TSPAN17: variants seen among roughly 807,000 people sequenced by gnomAD.
The protein encoded by TSPAN17 is tetraspanin 17.
Under a neutral mutation model 40.5 loss-of-function variants are expected in TSPAN17, and 33 were observed. That is an observed-to-expected ratio of 0.81 (90% CI 0.62 to 1.09). The LOEUF (loss-of-function observed/expected upper bound fraction) is 1.09, where lower values mean the gene tolerates loss of function less well. TSPAN17 is among the 50% of genes least tolerant of loss of function. The pLI is 0.00. For missense variants in TSPAN17, 365 were observed against 416.8 expected, an observed-to-expected ratio of 0.88 and a Z score of 1.08; for synonymous variants, 166 against 169.4, an observed-to-expected ratio of 0.98 and a Z score of 0.15.
In TSPAN17 at chr5:176,658,109, G is replaced by A. The variant is rs61580291; in HGVS notation, c.*411G>A. The A allele has an allele frequency of 0.046, 7,383 of 160,924 alleles. 379 individuals carry two copies. Among genetic ancestry groups the A allele is most frequent in the African/African-American group, 0.13 (5,255 of 41,666 alleles). 10.0% of individuals were successfully genotyped at this position (160,924 alleles called of 1,614,324 possible). On this transcript the variant is annotated 3_prime_UTR_variant, in exon 9 of 9. Transcript: ENST00000508164. ...AGTAGCTGGAAGCCATGGGACTGGC[G>A]GGAGCCTGTTTGGGGGATCTGGATG...
intron 4 of TSPAN17, 127 bp downstream of exon 4, chr5:176,653,040 C>A (rs981667192): frequency 1.0e-6 from 1 of 1,003,636 alleles, no homozygotes. Context: ...AGGAGAGAGA[C>A]CCAGGAGTGT....
At chr5:176,648,509 C>G (rs1760836221) in intron 1 of TSPAN17, among the ~76,000 whole-genome samples, 1 of 152,246 alleles carries the variant, frequency 6.6e-6, no homozygotes. Context: ...GCTCCTGAGG[C>G]CTTGGGTCAA....
chr5:176,651,088 C>A lies in TSPAN17; in HGVS notation c.88-528C>A, dbSNP rs949057207. 6.6e-6 allele frequency among the ~76,000 whole-genome samples: 1 copy of A among 151,908 alleles called. No individual in the cohort carries two copies. Among genetic ancestry groups the A allele is most frequent in the South Asian group, 2.1e-4 (1 of 4,822 alleles). ...TTCCTGTCATTCAGGGGTGTCTGGT[C>A]GTGAGCCGTGGAAGCTGACTCTGGC... On this transcript the variant is annotated intron_variant, in intron 1 of 8. Transcript: ENST00000508164. The surrounding 1 kb of genome is among the most constrained non-coding windows in gnomAD (Gnocchi z 4.5).
intron 1 of TSPAN17, among the ~76,000 whole-genome samples, chr5:176,649,422 T>G (rs1760875954): frequency 6.7e-6 from 1 of 149,544 alleles, no homozygotes; most frequent in African/African-American, 2.6e-5. Context: ...GGTTTCCTTT[T>G]TTCTTTTTTC....
In TSPAN17 at chr5:176,647,591, C is replaced by G. The variant is rs1422045367; in HGVS notation, c.-25C>G. The G allele has an allele frequency of 6.4e-7, 1 of 1,562,282 alleles. No homozygotes were observed. Among genetic ancestry groups the G allele is most frequent in the Non-Finnish European group, 8.6e-7 (1 of 1,156,668 alleles). ...TGGGCCTGGCTCCCGGCTCCGGTTT[C>G]CGGGCCGGCGGGTGGCCGCTCACCA... On this transcript the variant is annotated 5_prime_UTR_variant, in exon 1 of 9. Coordinates refer to ENST00000508164, the MANE Select transcript of TSPAN17 (RefSeq NM_130465.5).
Position 176,647,574 on chromosome 5 carries a change from G to T in TSPAN17, c.-42G>T. On this transcript the variant is annotated 5_prime_UTR_variant, in exon 1 of 9. Transcript: ENST00000508164. ...GGCGGCCCGCGGGGCGCTGGGCCTG[G>T]CTCCCGGCTCCGGTTTCCGGGCCGG... 6.5e-7 allele frequency: 1 copy of T among 1,534,172 alleles called. No individual in the cohort carries two copies. The highest frequency in any genetic ancestry group is 8.8e-7 in the Non-Finnish European group (1 of 1,141,202).
rs932193049 is a variant in TSPAN17 at position 176,651,249 on chromosome 5, C to G, written c.88-367C>G. Among the ~76,000 whole-genome samples, 1 of 152,116 alleles carries G rather than the reference C, an allele frequency of 6.6e-6. No homozygotes were observed. Among genetic ancestry groups the G allele is most frequent in the Admixed American group, 6.5e-5 (1 of 15,280 alleles). ...GAAAGGAGGCTAGGAGCCTGGAACCCCAGCACCAGCTTCGGTCAGGTGTAG... is the reference window on the plus strand; with the variant it reads ...GAAAGGAGGCTAGGAGCCTGGAACCGCAGCACCAGCTTCGGTCAGGTGTAG... On this transcript the variant is annotated intron_variant, in intron 1 of 8. Coordinates refer to ENST00000508164, the MANE Select transcript of TSPAN17 (RefSeq NM_130465.5). The surrounding 1 kb of genome is among the most constrained non-coding windows in gnomAD (Gnocchi z 4.5).
chr5:176,654,883 CT>C lies in TSPAN17; in HGVS notation c.457-11del. ...GGCCTGGCTCACCTGGGGCTCTCCC[CT>C]GCCCCCACAGTGGTCTTGCTGCGGA... On this transcript the variant is annotated splice_polypyrimidine_tract_variant and intron_variant, in intron 4 of 8. Transcript: ENST00000508164. The surrounding 1 kb of genome is among the most constrained non-coding windows in gnomAD (Gnocchi z 4.3). 6.2e-7 allele frequency: 1 copy of C among 1,613,328 alleles called. No individual in the cohort carries two copies. The highest frequency in any genetic ancestry group is 8.5e-7 in the Non-Finnish European group (1 of 1,179,654).
intron 5 of TSPAN17, among the ~76,000 whole-genome samples, chr5:176,655,734 C>CAA (rs11420495): frequency 0.01 from 1,317 of 125,802 alleles, 14 homozygotes; most frequent in African/African-American, 0.027. Flanking sequence ...CTCGTGTCTA[C>CAA]AAAAAAAAAA....
rs1760783200 is a variant in TSPAN17 at position 176,647,559 on chromosome 5, G to A, written c.-57G>A. 4 of 1,485,446 alleles carry A rather than the reference G, an allele frequency of 2.7e-6. No individual in the cohort carries two copies. Among genetic ancestry groups the A allele is most frequent in the Admixed American group, 2.1e-5 (1 of 47,370 alleles). The allele number at this position is 1,485,446 out of a possible 1,614,324, so 92.0% of individuals were successfully genotyped here. On this transcript the variant is annotated 5_prime_UTR_variant, in exon 1 of 9. Coordinates refer to ENST00000508164, the MANE Select transcript of TSPAN17 (RefSeq NM_130465.5). ...GCGGCTCTAGCCCAGGGCGGCCCGC[G>A]GGGCGCTGGGCCTGGCTCCCGGCTC...
rs557147817 is a variant in TSPAN17 at position 176,657,998 on chromosome 5, G to A, written c.*300G>A. On this transcript the variant is annotated 3_prime_UTR_variant, in exon 9 of 9. Coordinates refer to ENST00000508164, the MANE Select transcript of TSPAN17 (RefSeq NM_130465.5). ...GAAGAGGGTGCAGCCTGGGAAGGGC[G>A]GCCTTGCTGGGGACTGCGGTGGGAG... 10 of 311,998 alleles carry A rather than the reference G, an allele frequency of 3.2e-5. No individual in the cohort carries two copies. The highest frequency in any genetic ancestry group is 1.6e-4 in the East Asian group (2 of 12,876). 19.3% of individuals were successfully genotyped at this position (311,998 alleles called of 1,614,324 possible).
rs778021749 is a variant in TSPAN17, at chr5:176,657,656, C to A, written c.948C>A (p.Gly316=). The A allele has an allele frequency of 1.9e-6, 3 of 1,607,886 alleles. No individual in the cohort carries two copies. Among genetic ancestry groups the A allele is most frequent in the Non-Finnish European group, 2.5e-6 (3 of 1,178,328 alleles). The part of the protein sequence containing the change: ...PAPPSRHVFF[G]LGGLYPEPTF... Reference sequence around the variant, plus strand: ...CACCCAGCCGACATGTTTTCTTTGGCCTGGGTGGTTTATACCCTGAGCCAA... The same window carrying A: ...CACCCAGCCGACATGTTTTCTTTGGACTGGGTGGTTTATACCCTGAGCCAA... Residue 316 remains glycine, a synonymous_variant, in exon 9 of 9, where the codon GGC becomes GGA. Transcript: ENST00000508164.
Position 176,656,062 on chromosome 5 carries a change from GC to G in TSPAN17, c.583-14del. 1 of 1,614,040 alleles carries G rather than the reference GC, an allele frequency of 6.2e-7. No homozygotes were observed. The highest frequency in any genetic ancestry group is 8.5e-7 in the Non-Finnish European group (1 of 1,179,920). On this transcript the variant is annotated splice_polypyrimidine_tract_variant and intron_variant, in intron 5 of 8. Coordinates refer to ENST00000508164, the MANE Select transcript of TSPAN17 (RefSeq NM_130465.5). ...TGCGTCCTCACCAAGTCACTAACTGGCCTGTCTCCCCTCAGGAGGATGTCCT... is the reference window on the plus strand; with the variant it reads ...TGCGTCCTCACCAAGTCACTAACTGGCTGTCTCCCCTCAGGAGGATGTCCT...
chr5:176,656,392 T>C (rs945085677), intron 6 of TSPAN17, among the ~76,000 whole-genome samples: 4 of 152,138 alleles, frequency 2.6e-5, no homozygotes, highest in East Asian at 1.9e-4. Flanking sequence ...CATGAGACAG[T>C]CGGCTCTGGA....
rs996796830 is a variant in TSPAN17 at position 176,650,863 on chromosome 5, C to A, written c.88-753C>A. Among the ~76,000 whole-genome samples the A allele has an allele frequency of 2.0e-5, 3 of 152,180 alleles. No individual in the cohort carries two copies. Among genetic ancestry groups the A allele is most frequent in the Non-Finnish European group, 4.4e-5 (3 of 68,024 alleles). On this transcript the variant is annotated intron_variant, in intron 1 of 8. Transcript: ENST00000508164. The surrounding 1 kb of genome is among the most constrained non-coding windows in gnomAD (Gnocchi z 4.0). ...TGCCCAGGGTCAGGTGTGAGAGTGA[C>A]CAGCCTGGACATCCAGGGCTCTTCC...
At position 176,651,742 on chromosome 5, in the gene TSPAN17, T is replaced by C; in HGVS notation, c.139-12T>C. 6.2e-7 allele frequency: 1 copy of C among 1,614,122 alleles called. No individual in the cohort carries two copies. Among genetic ancestry groups the C allele is most frequent in the Non-Finnish European group, 8.5e-7 (1 of 1,179,980 alleles). On this transcript the variant is annotated splice_polypyrimidine_tract_variant and intron_variant, in intron 2 of 8. Coordinates refer to ENST00000508164, the MANE Select transcript of TSPAN17 (RefSeq NM_130465.5). The surrounding 1 kb of genome is among the most constrained non-coding windows in gnomAD (Gnocchi z 4.5). ...GTCAGCTCCCCACACCTGCCTCTGC[T>C]GCCCGGCACAGGGCGTTCTCTCGAA...
chr5:176,651,298 G>A lies in TSPAN17; in HGVS notation c.88-318G>A, dbSNP rs1478248905. 6.6e-6 allele frequency among the ~76,000 whole-genome samples: 1 copy of A among 151,988 alleles called. No individual in the cohort carries two copies. Among genetic ancestry groups the A allele is most frequent in the South Asian group, 2.1e-4 (1 of 4,810 alleles). The stretch of plus-strand genomic sequence containing the variant: ...AGAGGCTCAGTATACTGGCGCCGTC[G>A]CTACCCCCGCTGACACAGCTGCTAT... On this transcript the variant is annotated intron_variant, in intron 1 of 8. Coordinates refer to ENST00000508164, the MANE Select transcript of TSPAN17 (RefSeq NM_130465.5). The surrounding 1 kb of genome is among the most constrained non-coding windows in gnomAD (Gnocchi z 4.5).
chr5:176,651,962 A>G lies in TSPAN17; in HGVS notation c.285+62A>G. On this transcript the variant is annotated intron_variant, in intron 3 of 8. Coordinates refer to ENST00000508164, the MANE Select transcript of TSPAN17 (RefSeq NM_130465.5). This position sits in a 1 kb window ranked among gnomAD's most constrained non-coding sequence, Gnocchi z 4.5. ...TCTCCTCCCATCCAGTTCTTGCAATACAGTTGGAGCTTAATGATGGGTAGC... is the reference window on the plus strand; with the variant it reads ...TCTCCTCCCATCCAGTTCTTGCAATGCAGTTGGAGCTTAATGATGGGTAGC... 3 of 1,598,710 alleles carry G rather than the reference A, an allele frequency of 1.9e-6. No individual in the cohort carries two copies. The highest frequency in any genetic ancestry group is 2.6e-6 in the Non-Finnish European group (3 of 1,171,748).
chr5:176,656,476 G>A (rs1246625285), intron 6 of TSPAN17, among the ~76,000 whole-genome samples: 3 of 152,270 alleles, frequency 2.0e-5, no homozygotes, highest in Middle Eastern at 3.4e-3. Flanking sequence ...TCAGCTGAGA[G>A]CTTGGAAGAA....
Sources: gnomAD v4.1 joint callset for allele counts (sites outside exome capture counted in the v4.1 genomes callset) on GRCh38, gnomAD v4.1.1 for gene constraint, Gnocchi (gnomAD v3.1) non-coding constraint, MANE v1.5 for transcripts, NCBI Gene and HGNC (gene_info 2026-07-23, HGNC 2026-07-21) for gene names.